The following RASD2 variants were observed in gnomAD, a reference collection of about 807,000 sequenced individuals.
The protein encoded by RASD2 is RASD family member 2.
In RASD2, 7 loss-of-function variants were observed where a neutral mutation model predicts 15.8. The observed-to-expected ratio is 0.44, with a 90% confidence interval of 0.25 to 0.83. The LOEUF (loss-of-function observed/expected upper bound fraction) is 0.83. RASD2 is among the 40% of genes least tolerant of loss of function. RASD2 has a pLI of 0.20. For synonymous variants in RASD2, 155 were observed against 153.6 expected (o/e 1.01, Z -0.07); for missense variants, 274 against 382.8 (o/e 0.72, Z 2.37).
chr22:35,538,344 G>A (rs1475472375), upstream of RASD2, among the ~76,000 whole-genome samples: 1 of 152,000 alleles, frequency 6.6e-6, no homozygotes, highest in African/African-American at 2.4e-5. Flanking sequence ...TTAGAACAGG[G>A]CTAAAATGGT....
chr22:35,538,034 C>A (rs1304990527), upstream of RASD2, among the ~76,000 whole-genome samples: 2 of 151,856 alleles, frequency 1.3e-5, no homozygotes, highest in African/African-American at 4.8e-5. Context: ...CAACCTCTGC[C>A]TCCTGGATAC....
intron 2 of RASD2, among the ~76,000 whole-genome samples, chr22:35,549,098 G>T (rs778300412): frequency 6.6e-5 from 10 of 152,254 alleles, no homozygotes; most frequent in Non-Finnish European, 1.3e-4. Flanking sequence ...ACACCCTCCT[G>T]CAAACGCTAC....
At chr22:35,543,546 C>T (rs1934408014) in intron 1 of RASD2, among the ~76,000 whole-genome samples, 1 of 152,200 alleles carries the variant, frequency 6.6e-6, no homozygotes. Flanking sequence ...AGAGATGTGC[C>T]TACGAGGGTG....
intron 1 of RASD2, among the ~76,000 whole-genome samples, chr22:35,544,402 G>A (rs1268314938): frequency 2.0e-5 from 3 of 152,222 alleles, no homozygotes; most frequent in Non-Finnish European, 2.9e-5. Flanking sequence ...GTATGCCCTG[G>A]GCACCTCATC....
At chr22:35,542,370 T>A (rs953830872) in intron 1 of RASD2, among the ~76,000 whole-genome samples, 4 of 152,166 alleles carry the variant, frequency 2.6e-5, no homozygotes, top group Non-Finnish European at 4.4e-5. Context: ...AAGAGCTGGG[T>A]CAGCCTCCAG....
At position 35,552,040 on chromosome 22, in the gene RASD2, A is replaced by T. The variant is rs755947625; in HGVS notation, c.*8A>T. ...AAGTGCACCATCCAGTGAGCGAGGG[A>T]TGCTGGGGCGGGGCTTGGCCAGTGC... On this transcript the variant is annotated 3_prime_UTR_variant, in exon 3 of 3. Coordinates refer to ENST00000216127, the MANE Select transcript of RASD2 (RefSeq NM_014310.4). 2 of 1,590,394 alleles carry T rather than the reference A, an allele frequency of 1.3e-6. No individual in the cohort carries two copies. The highest frequency in any genetic ancestry group is 2.2e-5 in the South Asian group (2 of 90,752).
upstream of RASD2, among the ~76,000 whole-genome samples, chr22:35,540,249 C>T (rs1240298056): frequency 6.6e-6 from 1 of 152,006 alleles, no homozygotes; most frequent in African/African-American, 2.4e-5. Context: ...GCGGCCAGGC[C>T]GGGCGTGCGT....
chr22:35,537,170 G>C (rs1274905403), upstream of RASD2, among the ~76,000 whole-genome samples: 1 of 152,152 alleles, frequency 6.6e-6, no homozygotes, highest in Non-Finnish European at 1.5e-5. Context: ...CTGAACCTCA[G>C]TTTCCCCTTC....
chr22:35,547,403 G>T (rs930727240), intron 2 of RASD2, among the ~76,000 whole-genome samples: 1 of 152,154 alleles, frequency 6.6e-6, no homozygotes, highest in Non-Finnish European at 1.5e-5. Context: ...TTCCTTCTCC[G>T]GAAGATGACC....
upstream of RASD2, among the ~76,000 whole-genome samples, chr22:35,540,335 G>T (rs988378384): frequency 6.6e-6 from 1 of 150,784 alleles, no homozygotes; most frequent in African/African-American, 2.4e-5. Flanking sequence ...CAGCGGCCCC[G>T]GCCCCACGCG....
intron 2 of RASD2, among the ~76,000 whole-genome samples, chr22:35,549,634 T>C (rs1934606774): frequency 6.6e-6 from 1 of 152,140 alleles, no homozygotes; most frequent in Non-Finnish European, 1.5e-5. Context: ...GTTCCCTCCA[T>C]CACCTCCCAT....
intron 1 of RASD2, among the ~76,000 whole-genome samples, chr22:35,545,514 T>C (rs1934476127): frequency 6.6e-6 from 1 of 152,180 alleles, no homozygotes; most frequent in Non-Finnish European, 1.5e-5. Context: ...ATGCGCCTTG[T>C]GCAGTATCCA....
the RASD2 span, among the ~76,000 whole-genome samples, chr22:35,532,877 C>A: frequency 2.1e-4 from 32 of 152,268 alleles, no homozygotes; most frequent in African/African-American, 7.0e-4. Flanking sequence ...AGGTCAGAAA[C>A]AGGAGGTGTT....
Position 35,551,267 on chromosome 22 carries a change from G to A in RASD2, c.272-236G>A, listed in dbSNP as rs753025198. Reference sequence around the variant, plus strand: ...CAAGTGGTCCACGTGTTAGCTATGCGACTGTGAACAGGGGCTTCAACCCCC... The same window carrying A: ...CAAGTGGTCCACGTGTTAGCTATGCAACTGTGAACAGGGGCTTCAACCCCC... On this transcript the variant is annotated intron_variant, in intron 2 of 2. Coordinates refer to ENST00000216127, the MANE Select transcript of RASD2 (RefSeq NM_014310.4). This position sits in a 1 kb window ranked among gnomAD's most constrained non-coding sequence, Gnocchi z 4.9. Among the ~76,000 whole-genome samples the A allele has an allele frequency of 1.6e-4, 25 of 152,322 alleles. No homozygotes were observed. Among genetic ancestry groups the A allele is most frequent in the Non-Finnish European group, 3.2e-4 (22 of 68,028 alleles).
At position 35,553,472 on chromosome 22, in the gene RASD2, G is replaced by A. The variant is rs141556070; in HGVS notation, c.*1440G>A. The A allele has an allele frequency of 2.6e-5, 4 of 152,610 alleles. No homozygotes were observed. The highest frequency in any genetic ancestry group is 5.9e-5 in the Non-Finnish European group (4 of 68,018). 9.5% of individuals were successfully genotyped at this position (152,610 alleles called of 1,614,324 possible). A position where few individuals can be genotyped will look rare whatever the true frequency, so the allele number is the denominator to read the frequency against. On this transcript the variant is annotated 3_prime_UTR_variant, in exon 3 of 3. Transcript: ENST00000216127. ...CATATTGAAGTTTTAGGGCCCTAAG[G>A]AACCTTAGTGATCTTCTATTGGGTC...
chr22:35,537,788 C>T (rs1934263706), upstream of RASD2, among the ~76,000 whole-genome samples: 1 of 152,160 alleles, frequency 6.6e-6, no homozygotes, highest in South Asian at 2.1e-4. Flanking sequence ...AAGAAACCAG[C>T]ATACACAAGC....
chr22:35,541,820 C>A lies in RASD2; in HGVS notation c.-10+320C>A, dbSNP rs377080315. 3.5e-3 allele frequency among the ~76,000 whole-genome samples: 538 copies of A among 152,284 alleles called. 8 individuals carry two copies. The highest frequency in any genetic ancestry group is 0.013 in the African/African-American group (523 of 41,548). ...TGCATTTAAAGAGCTAGAGTAATAG[C>A]CCATTTAAATAGGAGGAAACGGGGG... On this transcript the variant is annotated intron_variant, in intron 1 of 2. Transcript: ENST00000216127.
chr22:35,547,716 G>A (rs567716402), intron 2 of RASD2, among the ~76,000 whole-genome samples: 5 of 152,300 alleles, frequency 3.3e-5, no homozygotes, highest in Non-Finnish European at 7.4e-5. Context: ...CCGGGTTCAA[G>A]CGATTCTCCT....
At chr22:35,548,195 C>G (rs764444170) in intron 2 of RASD2, among the ~76,000 whole-genome samples, 1 of 152,156 alleles carries the variant, frequency 6.6e-6, no homozygotes, top group African/African-American at 2.4e-5. Context: ...AGGACAAGCC[C>G]GGGACCCAGC....
Sources: gnomAD v4.1 joint callset for allele counts (sites outside exome capture counted in the v4.1 genomes callset) on GRCh38, gnomAD v4.1.1 for gene constraint, Gnocchi (gnomAD v3.1) non-coding constraint, MANE v1.5 for transcripts, NCBI Gene and HGNC (gene_info 2026-07-23, HGNC 2026-07-21) for gene names.